BMAL1: variants seen among roughly 807,000 people sequenced by gnomAD.
The protein encoded by BMAL1 is basic helix-loop-helix ARNT like 1.
the BMAL1 span, among the ~76,000 whole-genome samples, chr11:13,377,943 C>T: frequency 3.5e-4 from 53 of 152,324 alleles, 2 homozygotes; most frequent in Middle Eastern, 0.01. Context: ...TTGGTTGCCT[C>T]GTGCTTGCCT....
At chr11:13,365,616 G>A in the BMAL1 span, 1 of 1,595,898 alleles carries the variant, frequency 6.3e-7, no homozygotes, top group Admixed American at 1.7e-5. Flanking sequence ...TCCTGTTGAT[G>A]GTGGGCAGCC....
the BMAL1 span, among the ~76,000 whole-genome samples, chr11:13,351,871 T>C: frequency 6.6e-6 from 1 of 152,180 alleles, no homozygotes; most frequent in African/African-American, 2.4e-5. Flanking sequence ...GGAGTTGGAT[T>C]ATTGAGAATA....
At chr11:13,361,355 C>A in the BMAL1 span, among the ~76,000 whole-genome samples, 1 of 152,026 alleles carries the variant, frequency 6.6e-6, no homozygotes, top group African/African-American at 2.4e-5. Context: ...GATTCAGAAA[C>A]GTGTTCTTGT....
At chr11:13,306,149 G>A in the BMAL1 span, among the ~76,000 whole-genome samples, 1 of 152,126 alleles carries the variant, frequency 6.6e-6, no homozygotes, top group South Asian at 2.1e-4. Context: ...GGAAATGGTT[G>A]GGGGAAATTG....
At chr11:13,368,003 TCTC>T in the BMAL1 span, among the ~76,000 whole-genome samples, 1 of 152,172 alleles carries the variant, frequency 6.6e-6, no homozygotes, top group Non-Finnish European at 1.5e-5. Flanking sequence ...CACCAGATAA[TCTC>T]CTTCAAGTCA....
the BMAL1 span, among the ~76,000 whole-genome samples, chr11:13,357,365 TC>T: frequency 4.6e-5 from 7 of 152,244 alleles, no homozygotes; most frequent in Admixed American, 2.6e-4. The surrounding 1 kb of genome is among the most constrained non-coding windows in gnomAD (Gnocchi z 4.8). Context: ...CTCAAGTTTT[TC>T]CCCAGTCTTC....
the BMAL1 span, among the ~76,000 whole-genome samples, chr11:13,337,034 A>C: frequency 6.6e-6 from 1 of 152,220 alleles, no homozygotes; most frequent in African/African-American, 2.4e-5. Context: ...TCATAAGAGA[A>C]AGTTTGAAAC....
At chr11:13,319,639 T>A in the BMAL1 span, among the ~76,000 whole-genome samples, 487 of 152,314 alleles carry the variant, frequency 3.2e-3, 9 homozygotes, top group East Asian at 0.041. Flanking sequence ...TTGATGGTGG[T>A]TATCATCCTG....
At chr11:13,284,106 GTGTGTATATATA>G in the BMAL1 span, among the ~76,000 whole-genome samples, 703 of 80,604 alleles carry the variant, frequency 8.7e-3, 23 homozygotes, top group Non-Finnish European at 0.013. Flanking sequence ...GTGTGTGTGT[GTGTGTATATATA>G]TGTGTGTGTG....
At chr11:13,337,887 C>T in the BMAL1 span, among the ~76,000 whole-genome samples, 1 of 152,128 alleles carries the variant, frequency 6.6e-6, no homozygotes, top group African/African-American at 2.4e-5. Context: ...GGTTTGAACC[C>T]TGGCTTTCCT....
the BMAL1 span, chr11:13,356,832 A>G: frequency 6.2e-7 from 1 of 1,613,460 alleles, no homozygotes; most frequent in South Asian, 1.1e-5. Flanking sequence ...TTTTCTTTGC[A>G]CTGTTACACA....
At chr11:13,376,869 TC>T in the BMAL1 span, 1 of 702,374 alleles carries the variant, frequency 1.4e-6, no homozygotes, top group Non-Finnish European at 2.3e-6. Context: ...TGTGCGGATT[TC>T]CCCATGAATG....
chr11:13,333,368 G>A, the BMAL1 span, among the ~76,000 whole-genome samples: 1 of 152,208 alleles, frequency 6.6e-6, no homozygotes, highest in Non-Finnish European at 1.5e-5. Flanking sequence ...GCACCAGCAG[G>A]TGTTCCAGAA....
At chr11:13,337,798 A>G in the BMAL1 span, among the ~76,000 whole-genome samples, 1 of 152,092 alleles carries the variant, frequency 6.6e-6, no homozygotes, top group African/African-American at 2.4e-5. Flanking sequence ...ATTGATTTAT[A>G]AGAGATTTTG....
the BMAL1 span, among the ~76,000 whole-genome samples, chr11:13,351,223 C>T: frequency 6.6e-6 from 1 of 152,114 alleles, no homozygotes; most frequent in Admixed American, 6.5e-5. Flanking sequence ...CATTGAATGT[C>T]GAGCTGATAG....
the BMAL1 span, among the ~76,000 whole-genome samples, chr11:13,285,864 A>G: frequency 1.3e-5 from 2 of 152,206 alleles, no homozygotes; most frequent in Non-Finnish European, 2.9e-5. Flanking sequence ...AAAACATTAT[A>G]TTGCATATAA....
the BMAL1 span, among the ~76,000 whole-genome samples, chr11:13,313,758 C>G: frequency 6.6e-6 from 1 of 152,152 alleles, no homozygotes; most frequent in African/African-American, 2.4e-5. Context: ...TAACACATGT[C>G]TGATCAGAGC....
chr11:13,280,398 G>C, the BMAL1 span, among the ~76,000 whole-genome samples: 1 of 152,218 alleles, frequency 6.6e-6, no homozygotes, highest in Admixed American at 6.5e-5. Flanking sequence ...AGATTTGGCT[G>C]TATTAACAAA....
the BMAL1 span, among the ~76,000 whole-genome samples, chr11:13,297,026 C>A: frequency 2.0e-5 from 3 of 152,196 alleles, no homozygotes; most frequent in Admixed American, 2.0e-4. Flanking sequence ...GTCTCTACAG[C>A]CCAGGTGTCT....
Sources: allele counts gnomAD v4.1 joint callset (sites outside exome capture counted in the v4.1 genomes callset), GRCh38; gene constraint gnomAD v4.1.1; non-coding constraint Gnocchi (gnomAD v3.1); transcripts MANE v1.5; gene names NCBI Gene and HGNC (gene_info 2026-07-23, HGNC 2026-07-21).